The following PCBD2 variants were observed in gnomAD, a reference collection of about 807,000 sequenced individuals.
PCBD2 encodes pterin-4 alpha-carbinolamine dehydratase 2.
In PCBD2, 12 loss-of-function variants were observed where a neutral mutation model predicts 16.4. The observed-to-expected ratio is 0.73, with a 90% confidence interval of 0.47 to 1.19. PCBD2 has a LOEUF of 1.19. Ranked by LOEUF, PCBD2 falls within the 50% of genes most tolerant of loss-of-function variation. The pLI, the probability that PCBD2 is intolerant of heterozygous loss-of-function variation, is 0.00. For synonymous variants in PCBD2, 58 were observed against 61.8 expected (o/e 0.94, Z 0.29); for missense variants, 138 against 156.8 (o/e 0.88, Z 0.64).
intron 2 of PCBD2, 56 bp downstream of exon 2, chr5:134,910,522 TA>T: frequency 6.4e-7 from 1 of 1,569,178 alleles, no homozygotes; most frequent in Non-Finnish European, 8.7e-7. Flanking sequence ...CCTTAGGCCA[TA>T]ACACTTTCTG....
At chr5:134,924,379 T>A (rs1750956653) in intron 2 of PCBD2, 1 of 396,162 alleles carries the variant, frequency 2.5e-6, no homozygotes. Flanking sequence ...GGGTCAGGGG[T>A]TGAGGTCTTG....
At chr5:134,916,995 TC>T (rs746649511) in intron 2 of PCBD2, among the ~76,000 whole-genome samples, 6 of 152,196 alleles carry the variant, frequency 3.9e-5, no homozygotes, top group Non-Finnish European at 5.9e-5. Context: ...TTTTTGTTGT[TC>T]CTGTAGACAG....
At chr5:134,925,308 G>T in intron 2 of PCBD2, 1 of 398,404 alleles carries the variant, frequency 2.5e-6, no homozygotes, top group East Asian at 3.6e-5. Context: ...CTGTGAGGAA[G>T]GGTATTCCTG....
At chr5:134,926,274 A>C (rs1296908926) in intron 2 of PCBD2, 14 of 340,922 alleles carry the variant, frequency 4.1e-5, no homozygotes, top group Non-Finnish European at 7.4e-5. Flanking sequence ...AGTTTGAGAT[A>C]ATGACTTCTT....
At chr5:134,955,068 T>C (rs939056318) in intron 2 of PCBD2, among the ~76,000 whole-genome samples, 4 of 152,038 alleles carry the variant, frequency 2.6e-5, no homozygotes, top group Admixed American at 6.6e-5. Flanking sequence ...TATTGATGAA[T>C]TGATCTTTTT....
At position 134,913,955 on chromosome 5, in the gene PCBD2, A is replaced by G. The variant is rs1322764838; in HGVS notation, c.216+3489A>G. 2.0e-5 allele frequency among the ~76,000 whole-genome samples: 3 copies of G among 152,238 alleles called. No individual in the cohort carries two copies. In the East Asian group the frequency reaches 5.8e-4, roughly 29 times the overall value. On this transcript the variant is annotated intron_variant, in intron 2 of 3. Coordinates refer to ENST00000254908, the MANE Select transcript of PCBD2 (RefSeq NM_032151.5). ...GGGGTGCAAGGTGGGGGGCAGGGGT[A>G]TGGAGGTGAGAATCCTGTTTTCACA...
intron 2 of PCBD2, among the ~76,000 whole-genome samples, chr5:134,941,641 A>T (rs1050806235): frequency 6.6e-6 from 1 of 152,232 alleles, no homozygotes; most frequent in African/African-American, 2.4e-5. Context: ...ATAAGTAAAG[A>T]AAACCATGGT....
intron 2 of PCBD2, among the ~76,000 whole-genome samples, chr5:134,948,858 G>A: frequency 6.6e-6 from 1 of 152,124 alleles, no homozygotes; most frequent in Non-Finnish European, 1.5e-5. Context: ...ATTACCATGA[G>A]CTAAGGGGGA....
rs1580883991 is a variant in PCBD2 at position 134,926,393 on chromosome 5, G to A, written c.216+15927G>A. 4 of 386,230 alleles carry A rather than the reference G, an allele frequency of 1.0e-5. No homozygotes were observed. In the East Asian group the frequency reaches 1.5e-4, roughly 14 times the overall value. The allele number at this position is 386,230 out of a possible 1,614,324, so 23.9% of individuals were successfully genotyped here. A position where few individuals can be genotyped will look rare whatever the true frequency, so the allele number is the denominator to read the frequency against. On this transcript the variant is annotated intron_variant, in intron 2 of 3. Coordinates refer to ENST00000254908, the MANE Select transcript of PCBD2 (RefSeq NM_032151.5). ...GAGTTTTTTTTATTAGGGTTAATGA[G>A]GGTGGTAAGGATAGGGGGAATTAAG...
At chr5:134,908,846 G>A (rs946123166) in intron 1 of PCBD2, 3 of 152,074 alleles carry the variant, frequency 2.0e-5, no homozygotes, top group African/African-American at 7.2e-5. Flanking sequence ...ATGATTTTGG[G>A]ATTTCTGAAG....
At chr5:134,943,308 G>A (rs1308284166) in intron 2 of PCBD2, among the ~76,000 whole-genome samples, 1 of 152,122 alleles carries the variant, frequency 6.6e-6, no homozygotes, top group East Asian at 1.9e-4. Context: ...AAGTGGTTTT[G>A]AAAACTGGGG....
intron 2 of PCBD2, among the ~76,000 whole-genome samples, chr5:134,912,529 C>T (rs775499816): frequency 6.6e-6 from 1 of 152,064 alleles, no homozygotes; most frequent in African/African-American, 2.4e-5. Flanking sequence ...ATGGGCAACT[C>T]TGTCATTTGG....
Position 134,961,443 on chromosome 5 carries a change from G to A in PCBD2, c.*762G>A, listed in dbSNP as rs1192319092. 2.0e-5 allele frequency among the ~76,000 whole-genome samples: 3 copies of A among 151,922 alleles called. No individual in the cohort carries two copies. The highest frequency in any genetic ancestry group is 2.9e-5 in the Non-Finnish European group (2 of 67,938). On this transcript the variant is annotated 3_prime_UTR_variant, in exon 4 of 4. Transcript: ENST00000254908. ...TGGGACTATAGGCACGTGCCACTGCGCCTAGCTAATTTTTGTATTTTTAGT... is the reference window on the plus strand; with the variant it reads ...TGGGACTATAGGCACGTGCCACTGCACCTAGCTAATTTTTGTATTTTTAGT...
At position 134,960,776 on chromosome 5, in the gene PCBD2, C is replaced by CT. The variant is rs1561454108; in HGVS notation, c.*103dup. ...GAACAAATAGAGTTGTTCTTTTTCT[C>CT]TTTTTTTTAAGACAGAGTGTTGCTC... On this transcript the variant is annotated 3_prime_UTR_variant, in exon 4 of 4. Coordinates refer to ENST00000254908, the MANE Select transcript of PCBD2 (RefSeq NM_032151.5). 8.8e-5 allele frequency: 94 copies of CT among 1,071,280 alleles called. No individual in the cohort carries two copies. The highest frequency in any genetic ancestry group is 1.0e-4 in the Non-Finnish European group (76 of 725,786). The allele number at this position is 1,071,280 out of a possible 1,614,324, so 66.4% of individuals were successfully genotyped here.
chr5:134,927,650 G>GGT (rs1201794995), intron 2 of PCBD2: 14 of 398,158 alleles, frequency 3.5e-5, no homozygotes, highest in Non-Finnish European at 5.3e-5. Flanking sequence ...TGATAGCCAG[G>GGT]GTGGGGATAA....
chr5:134,936,775 C>T (rs1167036767), intron 2 of PCBD2, among the ~76,000 whole-genome samples: 1 of 152,204 alleles, frequency 6.6e-6, no homozygotes, highest in African/African-American at 2.4e-5. Flanking sequence ...GGAGCTGCAT[C>T]TGTCCAGTGG....
intron 2 of PCBD2, among the ~76,000 whole-genome samples, chr5:134,955,951 T>C (rs190815756): frequency 4.5e-4 from 69 of 152,346 alleles, no homozygotes; most frequent in Middle Eastern, 3.4e-3. Context: ...AAACTTTCGT[T>C]TGAGTTTTGC....
At chr5:134,932,766 G>C (rs1053416756) in intron 2 of PCBD2, among the ~76,000 whole-genome samples, 15 of 152,164 alleles carry the variant, frequency 9.9e-5, no homozygotes, top group Non-Finnish European at 2.9e-5. Flanking sequence ...TTACAGGCGA[G>C]AGTCACCACA....
intron 2 of PCBD2, among the ~76,000 whole-genome samples, chr5:134,941,613 A>G (rs1041949986): frequency 6.6e-6 from 1 of 152,204 alleles, no homozygotes; most frequent in African/African-American, 2.4e-5. Context: ...TGTATGTGAG[A>G]CTGTGAAGCT....
Sources: gnomAD v4.1 joint callset for allele counts (sites outside exome capture counted in the v4.1 genomes callset) on GRCh38, gnomAD v4.1.1 for gene constraint, MANE v1.5 for transcripts, NCBI Gene and HGNC (gene_info 2026-07-23, HGNC 2026-07-21) for gene names.